Variants in CAGE1 observed in about 807,000 individuals in gnomAD.
The protein encoded by CAGE1 is cancer-associated gene 1 protein.
CAGE1 carries 66 observed loss-of-function variants against 94.9 expected under a neutral mutation model. The observed-to-expected ratio is 0.70, with a 90% CI of 0.57 to 0.85. The LOEUF (loss-of-function observed/expected upper bound fraction) is 0.85. Ranked by LOEUF, CAGE1 falls within the 40% of genes least tolerant of loss-of-function variation. The probability of loss-of-function intolerance (pLI) is 0.00; values close to 1 mark genes in which losing one functional copy is unlikely to be tolerated. For synonymous variants in CAGE1, 319 were observed against 321.0 expected, an observed-to-expected ratio of 0.99 and a Z score of 0.07; for missense variants, 865 against 950.4, an observed-to-expected ratio of 0.91 and a Z score of 1.18.
intron 11 of CAGE1, among the ~76,000 whole-genome samples, chr6:7,342,571 A>G (rs993119697): frequency 1.1e-4 from 16 of 152,120 alleles, no homozygotes; most frequent in African/African-American, 2.9e-4. Flanking sequence ...GTTTTCACTT[A>G]TCTTCTCTCC....
chr6:7,338,266 C>A (rs1759036706), intron 11 of CAGE1, among the ~76,000 whole-genome samples: 1 of 152,030 alleles, frequency 6.6e-6, no homozygotes, highest in South Asian at 2.1e-4. Flanking sequence ...ATTTTTCTTG[C>A]CTGATTGTAC....
chr6:7,351,988 A>G (rs942982051), intron 11 of CAGE1, among the ~76,000 whole-genome samples: 6 of 152,092 alleles, frequency 3.9e-5, no homozygotes, highest in Non-Finnish European at 8.8e-5. Context: ...AAGGATGCCC[A>G]CTCTCACCAC....
At chr6:7,346,857 CAAA>C (rs71780305) in intron 11 of CAGE1, among the ~76,000 whole-genome samples, 2,693 of 119,872 alleles carry the variant, frequency 0.022, 92 homozygotes, top group African/African-American at 0.071. Flanking sequence ...GACTCTATCT[CAAA>C]AAAAAAAAAA....
Position 7,372,757 on chromosome 6 carries a change from C to G in CAGE1, c.1746+316G>C, listed in dbSNP as rs566935455. Among the ~76,000 whole-genome samples, 3 of 152,284 alleles carry G rather than the reference C, an allele frequency of 2.0e-5. No individual in the cohort carries two copies. In the South Asian group the frequency reaches 6.2e-4, roughly 32 times the overall value. On this transcript the variant is annotated intron_variant, in intron 5 of 13. Transcript: ENST00000502583. The stretch of plus-strand genomic sequence containing the variant: ...AATCATAGCTCACTGCAGCTTCAAA[C>G]TCCTGAGCTCAAGTAATTCCCCCAT...
rs529233792 is a variant in CAGE1 at position 7,376,323 on chromosome 6, A to G, written c.688-2192T>C. Among the ~76,000 whole-genome samples, 3 of 152,144 alleles carry G rather than the reference A, an allele frequency of 2.0e-5. No homozygotes were observed. In the East Asian group the frequency reaches 5.8e-4, roughly 29 times the overall value. ...AGAATTGCTTGAACCCGGGAGGCGGAGGTTGCAGTGAGCCAAGATGGTGCC... is the reference window on the plus strand; with the variant it reads ...AGAATTGCTTGAACCCGGGAGGCGGGGGTTGCAGTGAGCCAAGATGGTGCC... On this transcript the variant is annotated intron_variant, in intron 4 of 13. Coordinates refer to ENST00000502583, the MANE Select transcript of CAGE1 (RefSeq NM_001170692.2).
intron 7 of CAGE1, among the ~76,000 whole-genome samples, chr6:7,367,764 A>G (rs1332318881): frequency 6.6e-6 from 1 of 152,180 alleles, no homozygotes; most frequent in East Asian, 1.9e-4. Flanking sequence ...TACAGAATGA[A>G]TTTGTTATGA....
chr6:7,361,985 C>T (rs1444648926), intron 9 of CAGE1, among the ~76,000 whole-genome samples: 1 of 152,218 alleles, frequency 6.6e-6, no homozygotes, highest in Admixed American at 6.5e-5. Context: ...AATCCAGATA[C>T]AGGTGGGTCC....
chr6:7,354,004 G>A (rs1034696942), intron 11 of CAGE1, among the ~76,000 whole-genome samples: 1 of 151,758 alleles, frequency 6.6e-6, no homozygotes, highest in Non-Finnish European at 1.5e-5. Context: ...ATACTGACTG[G>A]GTGATGGGTG....
intron 11 of CAGE1, among the ~76,000 whole-genome samples, chr6:7,344,697 T>A (rs187917303): frequency 6.6e-6 from 1 of 152,264 alleles, no homozygotes; most frequent in African/African-American, 2.4e-5. Flanking sequence ...GGTGGGAAGG[T>A]GGAGAACCTT....
chr6:7,367,077 T>C (rs1581687548), intron 7 of CAGE1, among the ~76,000 whole-genome samples: 1 of 152,262 alleles, frequency 6.6e-6, no homozygotes, highest in South Asian at 2.1e-4. Context: ...AAAACTTTAA[T>C]GAACACCACG....
chr6:7,332,502 T>G (rs1006638611), intron 12 of CAGE1, among the ~76,000 whole-genome samples: 1 of 152,110 alleles, frequency 6.6e-6, no homozygotes, highest in Non-Finnish European at 1.5e-5. Context: ...ATTCTTTGTC[T>G]CAACAAGCTC....
rs776804079 is a variant in CAGE1, at chr6:7,370,048, A to G, written c.1764T>C (p.His588=). Reference sequence around the variant, plus strand: ...GTGAGCAATCCGGGAGCAGATTAGAATGTGTCGTTTTTGTATCCTACATGC... The same window carrying G: ...GTGAGCAATCCGGGAGCAGATTAGAGTGTGTCGTTTTTGTATCCTACATGC... ...SDITKDTKTT[H]SNLLPDCSPC... Residue 588 remains histidine, a synonymous_variant, in exon 6 of 14, where the codon CAT becomes CAC. Transcript: ENST00000502583. 1.6e-5 allele frequency: 26 copies of G among 1,606,396 alleles called. No homozygotes were observed. Among genetic ancestry groups the G allele is most frequent in the Non-Finnish European group, 2.2e-5 (26 of 1,177,772 alleles).
chr6:7,358,419 G>A (rs187933391), intron 9 of CAGE1, among the ~76,000 whole-genome samples: 14 of 152,096 alleles, frequency 9.2e-5, no homozygotes, highest in Admixed American at 9.2e-4. Flanking sequence ...TATATACAAT[G>A]TATTTACCCA....
At chr6:7,374,695 G>A (rs1760674603) in intron 4 of CAGE1, among the ~76,000 whole-genome samples, 1 of 152,156 alleles carries the variant, frequency 6.6e-6, no homozygotes, top group Admixed American at 6.6e-5. Context: ...CATGCCTCAT[G>A]ATTGACTTTA....
intron 4 of CAGE1, among the ~76,000 whole-genome samples, chr6:7,375,826 A>T (rs1760722585): frequency 6.6e-6 from 1 of 152,206 alleles, no homozygotes; most frequent in Admixed American, 6.5e-5. Flanking sequence ...TTTTGAGCTC[A>T]TCCTTCTGCA....
chr6:7,387,274 G>A, intron 1 of CAGE1, 78 bp from the exon 2 acceptor site: 1 of 748,950 alleles, frequency 1.3e-6, no homozygotes, highest in Non-Finnish European at 2.2e-6. Context: ...TAAGAAAGTA[G>A]CAAAGTTCAC....
In CAGE1 at chr6:7,358,025, G is replaced by GAAATAT. The variant is rs1491488344; in HGVS notation, c.2194-1897_2194-1896insATATTT. ...GCCAGACTGCGGTTAGGTAAGTTTT[G>GAAATAT]AGATATATATATATATATATATATA... On this transcript the variant is annotated intron_variant, in intron 9 of 13. Transcript: ENST00000502583. Among the ~76,000 whole-genome samples, 171 of 20,274 alleles carry GAAATAT rather than the reference G, an allele frequency of 8.4e-3. 7 individuals are homozygous for GAAATAT. The highest frequency in any genetic ancestry group is 0.044 in the East Asian group (15 of 338). 13.3% of individuals were successfully genotyped at this position (20,274 alleles called of 152,430 possible).
At chr6:7,327,165 G>A (rs9505164) in intron 13 of CAGE1, among the ~76,000 whole-genome samples, 27,205 of 152,042 alleles carry the variant, frequency 0.18, 2,628 homozygotes, top group African/African-American at 0.23. Flanking sequence ...CGATTCTCCT[G>A]CCTCTGCCTC....
At chr6:7,346,692 G>T in intron 11 of CAGE1, among the ~76,000 whole-genome samples, 1 of 150,374 alleles carries the variant, frequency 6.7e-6, no homozygotes, top group Admixed American at 6.6e-5. Flanking sequence ...ACTGAAAAAA[G>T]AAAAAAAAAT....
Sources: allele counts gnomAD v4.1 joint callset (sites outside exome capture counted in the v4.1 genomes callset), GRCh38; gene constraint gnomAD v4.1.1; transcripts MANE v1.5; gene names NCBI Gene and HGNC (gene_info 2026-07-23, HGNC 2026-07-21).